TGM3: variants seen among roughly 807,000 people sequenced by gnomAD.
TGM3 encodes protein-glutamine gamma-glutamyltransferase E.
TGM3 carries 52 observed loss-of-function variants against 73.8 expected under a neutral mutation model. The ratio of observed to expected loss-of-function variants is 0.70; its 90% CI spans 0.56 to 0.89. The LOEUF is 0.89. Ranked by LOEUF, TGM3 falls within the 40% of genes least tolerant of loss-of-function variation. The probability of loss-of-function intolerance (pLI) is 0.00; values close to 1 mark genes in which losing one functional copy is unlikely to be tolerated. For missense variants in TGM3, 928 were observed against 909.9 expected (o/e 1.02, Z -0.26); for synonymous variants, 372 against 354.9 (o/e 1.05, Z -0.54).
Position 2,311,061 on chromosome 20 carries a change from G to A in TGM3, c.472G>A (p.Glu158Lys), listed in dbSNP as rs1387655316. The change falls in exon 4 of 13, where the codon GAA becomes AAA. Residue 158 changes from glutamate to lysine, a missense_variant. Physicochemically the swap from Glu to Lys is moderately conservative, Grantham distance 56. Coordinates refer to ENST00000381458, the MANE Select transcript of TGM3 (RefSeq NM_003245.4). Reference sequence around the variant, plus strand: ...CGCTGAGAGAGAAGAGTATGTTCAGGAAGATGCCGGCATCATCTTTGTGGG... The same window carrying A: ...CGCTGAGAGAGAAGAGTATGTTCAGAAAGATGCCGGCATCATCTTTGTGGG... ...NHAEREEYVQEDAGIIFVGST... is the reference protein window; with the variant it reads ...NHAEREEYVQKDAGIIFVGST... The A allele has an allele frequency of 1.9e-5, 30 of 1,614,032 alleles. No homozygotes were observed. Among genetic ancestry groups the A allele is most frequent in the Non-Finnish European group, 2.0e-5 (24 of 1,180,006 alleles).
chr20:2,321,907 C>A (rs1299717374), intron 7 of TGM3, among the ~76,000 whole-genome samples: 2 of 152,196 alleles, frequency 1.3e-5, no homozygotes, highest in Admixed American at 1.3e-4. Flanking sequence ...GCCTTAAATT[C>A]CTGCCTTGCA....
At chr20:2,329,580 G>A (rs928980509) in intron 9 of TGM3, among the ~76,000 whole-genome samples, 13 of 152,142 alleles carry the variant, frequency 8.5e-5, no homozygotes, top group African/African-American at 3.1e-4. Context: ...CAGATGGGCT[G>A]GAGGTGTGGG....
chr20:2,314,815 T>C (rs2084224942), intron 5 of TGM3, among the ~76,000 whole-genome samples: 3 of 152,240 alleles, frequency 2.0e-5, no homozygotes, highest in Admixed American at 2.0e-4. Flanking sequence ...ATTTATTTAT[T>C]TCTATGTTTC....
In TGM3 at chr20:2,334,625, A is replaced by C. The variant is rs150060821; in HGVS notation, c.1643-491A>C. On this transcript the variant is annotated intron_variant, in intron 10 of 12. Transcript: ENST00000381458. This position sits in a 1 kb window ranked among gnomAD's most constrained non-coding sequence, Gnocchi z 4.0. ...CTACTGTTGTTGGCAATCAGGTGGC[A>C]TTTGTATTCTTCCACTGCCCCTCAG... Among the ~76,000 whole-genome samples, 1 of 152,222 alleles carries C rather than the reference A, an allele frequency of 6.6e-6. No homozygotes were observed. The highest frequency in any genetic ancestry group is 1.9e-4 in the East Asian group (1 of 5,156).
In TGM3 at chr20:2,340,011, G is replaced by T. The variant is rs4097063; in HGVS notation, c.1934+24G>T. Reference sequence around the variant, plus strand: ...GAGTGAGTCCTGGGCCTAAGTGGCCGGTGCAGGAGGGCGGGAGGGGGCGGG... The same window carrying T: ...GAGTGAGTCCTGGGCCTAAGTGGCCTGTGCAGGAGGGCGGGAGGGGGCGGG... On this transcript the variant is annotated intron_variant, in intron 12 of 12. Transcript: ENST00000381458. 2.5e-6 allele frequency: 4 copies of T among 1,569,038 alleles called. No individual in the cohort carries two copies. In the African/African-American group the frequency reaches 4.1e-5, roughly 16 times the overall value.
chr20:2,296,111 G>A (rs1403586513), intron 1 of TGM3, 41 bp downstream of exon 1: 2 of 1,549,486 alleles, frequency 1.3e-6, no homozygotes, highest in East Asian at 2.4e-5. Context: ...CTTGCCAGAA[G>A]CCTGTGCTTC....
Position 2,340,954 on chromosome 20 carries a change from C to A in TGM3, c.*373C>A, listed in dbSNP as rs1001680097. The A allele has an allele frequency of 1.9e-5, 9 of 469,200 alleles. No homozygotes were observed. The highest frequency in any genetic ancestry group is 3.0e-5 in the Non-Finnish European group (7 of 235,924). 29.1% of individuals were successfully genotyped at this position (469,200 alleles called of 1,614,324 possible). A position where few individuals can be genotyped will look rare whatever the true frequency, so the allele number is the denominator to read the frequency against. On this transcript the variant is annotated 3_prime_UTR_variant, in exon 13 of 13. Transcript: ENST00000381458. ...AAGCTGGTCTAGACTGTTTGCTGAT[C>A]CCCAACCTGCACGGGGCATTCCTGC...
rs146171554 is a variant in TGM3, at chr20:2,328,222, G to T, written c.1190G>T (p.Arg397Leu). The change falls in exon 9 of 13, where the codon CGC becomes CTC. Residue 397 changes from arginine (R) to leucine (L), a missense_variant. Transcript: ENST00000381458. The surrounding 1 kb of genome is among the most constrained non-coding windows in gnomAD (Gnocchi z 5.2). ...PFIFAEVNAD[R>L]ITWLYDNTTG... ...ATCTTCGCGGAGGTTAATGCCGACC[G>T]CATCACCTGGCTGTACGACAACACC... 39 of 1,614,056 alleles carry T rather than the reference G, an allele frequency of 2.4e-5. No homozygotes were observed. In the African/African-American group the frequency reaches 4.0e-4, roughly 17 times the overall value.
At chr20:2,329,984 A>G (rs1256471238) in intron 9 of TGM3, among the ~76,000 whole-genome samples, 1 of 151,726 alleles carries the variant, frequency 6.6e-6, no homozygotes, top group Non-Finnish European at 1.5e-5. Flanking sequence ...CTTACCCCAC[A>G]CCTTGATCTC....
At chr20:2,323,740 ATC>A (rs890302688) in intron 7 of TGM3, among the ~76,000 whole-genome samples, 2 of 152,162 alleles carry the variant, frequency 1.3e-5, no homozygotes, top group African/African-American at 4.8e-5. Flanking sequence ...GTATGCTTTA[ATC>A]TCTGTCAGTC....
intron 7 of TGM3, among the ~76,000 whole-genome samples, chr20:2,322,238 C>T (rs1195828023): frequency 2.0e-5 from 3 of 152,140 alleles, no homozygotes; most frequent in African/African-American, 7.2e-5. Flanking sequence ...CATTTCTGAT[C>T]TTATTCACAT....
chr20:2,310,301 G>T lies in TGM3; in HGVS notation c.305G>T (p.Ser102Ile). Residue 102 changes from serine to isoleucine, a missense_variant, in exon 3 of 13, where the codon AGT (serine) becomes ATT (isoleucine). By Grantham distance (142) the Ser-to-Ile change is moderately radical (BLOSUM62 -2). Transcript: ENST00000381458. ...NGNTLTISIS[S>I]PASAPIGRYT... Reference sequence around the variant, plus strand: ...AATACTCTGACTATCAGCATCTCCAGTCCTGCCAGCGCACCCATAGGACGG... The same window carrying T: ...AATACTCTGACTATCAGCATCTCCATTCCTGCCAGCGCACCCATAGGACGG... 6.2e-7 allele frequency: 1 copy of T among 1,614,228 alleles called. No individual in the cohort carries two copies.
chr20:2,318,122 T>A (rs1477338764), intron 7 of TGM3, among the ~76,000 whole-genome samples: 1 of 151,950 alleles, frequency 6.6e-6, no homozygotes, highest in Non-Finnish European at 1.5e-5. Flanking sequence ...CAGGTTCAAG[T>A]GATTCTCCTG....
intron 10 of TGM3, among the ~76,000 whole-genome samples, chr20:2,333,198 C>T (rs1205135570): frequency 6.6e-6 from 1 of 152,232 alleles, no homozygotes; most frequent in African/African-American, 2.4e-5. Context: ...ATTAATTATA[C>T]TGCCCATCTT....
At chr20:2,330,013 T>C (rs6048207) in intron 9 of TGM3, among the ~76,000 whole-genome samples, 32,282 of 151,864 alleles carry the variant, frequency 0.21, 6,955 homozygotes, top group African/African-American at 0.56. Flanking sequence ...TCAGCCAAAC[T>C]TCCTAAACAA....
At position 2,328,419 on chromosome 20, in the gene TGM3, G is replaced by A; in HGVS notation, c.1333+54G>A. The A allele has an allele frequency of 6.2e-7, 1 of 1,601,584 alleles. No individual in the cohort carries two copies. The highest frequency in any genetic ancestry group is 8.5e-7 in the Non-Finnish European group (1 of 1,172,372). On this transcript the variant is annotated intron_variant, in intron 9 of 12. Transcript: ENST00000381458. This position sits in a 1 kb window ranked among gnomAD's most constrained non-coding sequence, Gnocchi z 5.2. ...GCGAGAGGTTCTATTGTGGGAGGAT[G>A]GCTCTGAGGCTGGAGAGGAGAAAAG... is the stretch of plus-strand genomic sequence containing the variant.
chr20:2,307,839 T>C (rs1467860843), intron 1 of TGM3, among the ~76,000 whole-genome samples: 1 of 152,184 alleles, frequency 6.6e-6, no homozygotes, highest in Non-Finnish European at 1.5e-5. Context: ...ATATTAGTCT[T>C]TTCTTTCTTT....
chr20:2,310,518 A>T lies in TGM3; in HGVS notation c.421+101A>T. The T allele has an allele frequency of 7.1e-6, 11 of 1,540,382 alleles. No individual in the cohort carries two copies. In the South Asian group the frequency reaches 1.4e-4, roughly 19 times the overall value. On this transcript the variant is annotated intron_variant, in intron 3 of 12. Coordinates refer to ENST00000381458, the MANE Select transcript of TGM3 (RefSeq NM_003245.4). ...CACAGGCTCAAGTTTGATTAGGGAA[A>T]GTCCATGGGCTGTGGAAAGGGCGCA...
intron 7 of TGM3, among the ~76,000 whole-genome samples, chr20:2,325,613 C>T (rs969547947): frequency 3.9e-5 from 6 of 152,230 alleles, no homozygotes; most frequent in Admixed American, 1.3e-4. Flanking sequence ...TGCTTAACTT[C>T]TCTGAGCCCA....
Sources: allele counts gnomAD v4.1 joint callset (sites outside exome capture counted in the v4.1 genomes callset), GRCh38; gene constraint gnomAD v4.1.1; non-coding constraint Gnocchi (gnomAD v3.1); transcripts MANE v1.5; gene names NCBI Gene and HGNC (gene_info 2026-07-23, HGNC 2026-07-21).